The following TMTC2 variants were observed in gnomAD, a reference collection of about 807,000 sequenced individuals.
TMTC2 encodes protein O-mannosyl-transferase TMTC2.
A neutral mutation model predicts 82.4 loss-of-function variants in TMTC2; 43 were observed. The observed-to-expected ratio is 0.52, with a 90% CI of 0.41 to 0.67. TMTC2 has a LOEUF of 0.67. Ranked by LOEUF, TMTC2 falls within the 30% of genes least tolerant of loss-of-function variation. The pLI is 0.00. For missense variants in TMTC2, 919 were observed against 1,012.4 expected, an observed-to-expected ratio of 0.91 and a Z score of 1.25; for synonymous variants, 408 against 381.9, an observed-to-expected ratio of 1.07 and a Z score of -0.80.
At chr12:82,967,369 T>C (rs1308252522) in intron 7 of TMTC2, among the ~76,000 whole-genome samples, 3 of 152,070 alleles carry the variant, frequency 2.0e-5, no homozygotes, top group Non-Finnish European at 4.4e-5. Flanking sequence ...AAATTCATAA[T>C]TTTTATTAAA....
rs572361914 is a variant in TMTC2, at chr12:83,118,961, G to A, written c.2332-13249G>A. The stretch of plus-strand genomic sequence containing the variant: ...TGTACATAAACGTGTTCATAGTGGC[G>A]CTGAATGATCTTTTGTATTTCTGTA... On this transcript the variant is annotated intron_variant, in intron 11 of 11. Coordinates refer to ENST00000321196, the MANE Select transcript of TMTC2 (RefSeq NM_152588.3). 7.2e-5 allele frequency among the ~76,000 whole-genome samples: 11 copies of A among 152,086 alleles called. No individual in the cohort carries two copies. The East Asian group carries it at 1.4e-3, about 19-fold the overall frequency.
intron 2 of TMTC2, among the ~76,000 whole-genome samples, chr12:82,895,019 G>A (rs61931368): frequency 0.094 from 13,396 of 142,148 alleles, 767 homozygotes; most frequent in Admixed American, 0.13. Flanking sequence ...GTTTCACCAC[G>A]TTTGCCAGAC....
intron 11 of TMTC2, among the ~76,000 whole-genome samples, chr12:83,120,804 G>A (rs899428940): frequency 2.0e-5 from 3 of 152,076 alleles, no homozygotes; most frequent in African/African-American, 7.2e-5. Flanking sequence ...CTTAGGTTTG[G>A]CTGTTTACCA....
chr12:83,000,456 C>T (rs1398971729), intron 8 of TMTC2, among the ~76,000 whole-genome samples: 1 of 152,114 alleles, frequency 6.6e-6, no homozygotes, highest in East Asian at 1.9e-4. Context: ...TCCTAAAGCT[C>T]CATAATGATC....
chr12:82,894,900 A>G (rs28634383), intron 2 of TMTC2, among the ~76,000 whole-genome samples: 2,478 of 151,904 alleles, frequency 0.016, 73 homozygotes, highest in African/African-American at 0.056. Context: ...CCTAGGTTCA[A>G]GCTATGGTCC....
At chr12:82,816,418 T>C (rs1868727339) in intron 1 of TMTC2, among the ~76,000 whole-genome samples, 1 of 152,050 alleles carries the variant, frequency 6.6e-6, no homozygotes, top group Admixed American at 6.6e-5. Flanking sequence ...CCGTTAACAC[T>C]TGTTAATTCT....
intron 11 of TMTC2, among the ~76,000 whole-genome samples, chr12:83,106,239 G>T (rs953280495): frequency 6.6e-6 from 1 of 152,106 alleles, no homozygotes; most frequent in African/African-American, 2.4e-5. Context: ...TTCTAGGGTG[G>T]TTGAAAGATA....
intron 7 of TMTC2, among the ~76,000 whole-genome samples, chr12:82,972,002 C>A (rs895394317): frequency 1.3e-5 from 2 of 152,048 alleles, no homozygotes; most frequent in Non-Finnish European, 2.9e-5. Flanking sequence ...TTACTCTAAC[C>A]TTGAAAATAT....
At chr12:83,119,614 C>T (rs1565895447) in intron 11 of TMTC2, among the ~76,000 whole-genome samples, 2 of 152,040 alleles carry the variant, frequency 1.3e-5, no homozygotes, top group Non-Finnish European at 1.5e-5. Flanking sequence ...ACAATGTATT[C>T]TGTGGTTGTT....
intron 1 of TMTC2, among the ~76,000 whole-genome samples, chr12:82,821,442 G>A (rs926986133): frequency 1.3e-5 from 2 of 152,062 alleles, no homozygotes; most frequent in African/African-American, 4.8e-5. Context: ...TTAAAATACA[G>A]TCTTCTATTT....
chr12:82,917,700 C>G (rs1288087649), intron 3 of TMTC2, among the ~76,000 whole-genome samples: 1 of 149,504 alleles, frequency 6.7e-6, no homozygotes, highest in Non-Finnish European at 1.5e-5. Flanking sequence ...CTCCAGGGTT[C>G]ATGCCATTCT....
At chr12:83,099,612 TTA>T (rs1469140669) in intron 11 of TMTC2, among the ~76,000 whole-genome samples, 6 of 152,186 alleles carry the variant, frequency 3.9e-5, no homozygotes, top group Non-Finnish European at 8.8e-5. Context: ...GCAAGGATGT[TTA>T]TGTCTCCTGA....
chr12:83,128,794 C>T (rs1261461654), intron 11 of TMTC2, among the ~76,000 whole-genome samples: 2 of 152,138 alleles, frequency 1.3e-5, no homozygotes, highest in Non-Finnish European at 2.9e-5. Flanking sequence ...AGTGGGCATC[C>T]ATTAAACTTC....
intron 10 of TMTC2, 93 bp downstream of exon 10, chr12:83,051,111 T>A: frequency 5.2e-6 from 4 of 764,524 alleles, no homozygotes; most frequent in Non-Finnish European, 8.4e-6. Flanking sequence ...TTCCACATTC[T>A]CAATGTGAGT....
At chr12:83,089,509 T>G (rs1883769905) in intron 11 of TMTC2, among the ~76,000 whole-genome samples, 1 of 152,190 alleles carries the variant, frequency 6.6e-6, no homozygotes, top group South Asian at 2.1e-4. Flanking sequence ...TTTATATTTT[T>G]TATGCACCTT....
At position 83,088,429 on chromosome 12, in the gene TMTC2, G is replaced by A. The variant is rs375039436; in HGVS notation, c.2331+26598G>A. ...ATACAGGACACAGAGCTTTTGGCCT[G>A]TCTTGCCTTTTGATAGGCCTTCCTC... is the stretch of plus-strand genomic sequence containing the variant. On this transcript the variant is annotated intron_variant, in intron 11 of 11. Coordinates refer to ENST00000321196, the MANE Select transcript of TMTC2 (RefSeq NM_152588.3). Among the ~76,000 whole-genome samples, 116 of 152,300 alleles carry A rather than the reference G, an allele frequency of 7.6e-4. 1 individual carries two copies. The South Asian group carries it at 0.023, about 30-fold the overall frequency.
intron 7 of TMTC2, among the ~76,000 whole-genome samples, chr12:82,969,144 G>C (rs1362080195): frequency 6.6e-6 from 1 of 152,132 alleles, no homozygotes; most frequent in African/African-American, 2.4e-5. Context: ...AATGACCCAG[G>C]AGATAAGCTG....
chr12:83,017,652 G>A (rs1046525708), intron 8 of TMTC2, among the ~76,000 whole-genome samples: 4 of 152,052 alleles, frequency 2.6e-5, no homozygotes, highest in Admixed American at 1.3e-4. Context: ...TTCCTTTACC[G>A]CATGGTAGAC....
At chr12:83,009,583 T>C (rs951793669) in intron 8 of TMTC2, among the ~76,000 whole-genome samples, 4 of 152,174 alleles carry the variant, frequency 2.6e-5, no homozygotes, top group African/African-American at 9.7e-5. Flanking sequence ...TTTGTCTAGT[T>C]CTTTCTTGTA....
Sources: gnomAD v4.1 joint callset for allele counts (sites outside exome capture counted in the v4.1 genomes callset) on GRCh38, gnomAD v4.1.1 for gene constraint, MANE v1.5 for transcripts, NCBI Gene and HGNC (gene_info 2026-07-23, HGNC 2026-07-21) for gene names.